SGK1: variants seen among roughly 807,000 people sequenced by gnomAD.
SGK1 encodes serum/glucocorticoid regulated kinase 1, also known as serine/threonine-protein kinase Sgk1.
SGK1 carries 26 observed loss-of-function variants against 64.2 expected under a neutral mutation model. The observed-to-expected ratio is 0.40, with a 90% CI of 0.30 to 0.56. The LOEUF is 0.56. SGK1 is among the 20% of genes least tolerant of loss of function. SGK1 has a pLI of 0.38. For synonymous variants in SGK1, 265 were observed against 239.7 expected (o/e 1.11, Z -0.98); for missense variants, 519 against 645.6 (o/e 0.80, Z 2.12).
chr6:134,189,230 G>A (rs577288782), intron 3 of SGK1, among the ~76,000 whole-genome samples: 8 of 136,196 alleles, frequency 5.9e-5, no homozygotes, highest in South Asian at 2.2e-4. Flanking sequence ...GTGTGTGTGC[G>A]TGTGCGTGTG....
chr6:134,249,758 G>A (rs746440374), intron 2 of SGK1, among the ~76,000 whole-genome samples: 2 of 152,254 alleles, frequency 1.3e-5, no homozygotes, highest in Non-Finnish European at 2.9e-5. Flanking sequence ...TCTGGTATCC[G>A]TAACCCTGTT....
rs373010514 is a variant in SGK1, at chr6:134,190,994, G to A, written c.361+16362C>T. On this transcript the variant is annotated intron_variant, in intron 3 of 13. Transcript: ENST00000367858. ...CGAAGAGCAATCCTTTCTGATTTTC[G>A]CAGACTGCTTTCTGATTATTTGTCT... Among the ~76,000 whole-genome samples the A allele has an allele frequency of 2.7e-4, 41 of 152,168 alleles. 1 individual carries two copies. In the South Asian group the frequency reaches 8.1e-3, roughly 30 times the overall value.
chr6:134,269,657 CAAAA>C (rs774346061), intron 1 of SGK1, among the ~76,000 whole-genome samples: 2 of 101,656 alleles, frequency 2.0e-5, no homozygotes. Flanking sequence ...GACTCTGTCT[CAAAA>C]AAAAAAAAAA....
chr6:134,294,506 G>A (rs1473631511), intron 1 of SGK1, among the ~76,000 whole-genome samples: 1 of 152,056 alleles, frequency 6.6e-6, no homozygotes, highest in Non-Finnish European at 1.5e-5. Context: ...GTCCTTTTGT[G>A]ACCAAGTATT....
At chr6:134,270,724 G>A (rs1776926240) in intron 1 of SGK1, among the ~76,000 whole-genome samples, 1 of 148,038 alleles carries the variant, frequency 6.8e-6, no homozygotes, top group African/African-American at 2.4e-5. Flanking sequence ...TGGAGTGGTG[G>A]GGAGGACTCT....
intron 11 of SGK1, 108 bp downstream of exon 11, chr6:134,171,529 T>A: frequency 1.4e-6 from 1 of 732,628 alleles, no homozygotes. Flanking sequence ...TTAGCTGCTT[T>A]TGATAAGCGT....
rs139364918 is a variant in SGK1, at chr6:134,214,959, G to A, written c.286-7528C>T. ...GAAAGATCATATTTAGAAGGTAACC[G>A]TTGAATGTTTAATCACTATTGTTTT... On this transcript the variant is annotated intron_variant, in intron 2 of 13. Transcript: ENST00000367858. 438 of 420,090 alleles carry A rather than the reference G, an allele frequency of 1.0e-3. 2 individuals carry two copies. Among genetic ancestry groups the A allele is most frequent in the African/African-American group, 8.0e-3 (383 of 48,136 alleles). 26.0% of individuals were successfully genotyped at this position (420,090 alleles called of 1,614,324 possible). A position where few individuals can be genotyped will look rare whatever the true frequency, so the allele number is the denominator to read the frequency against.
Position 134,174,907 on chromosome 6 carries a change from C to A in SGK1, c.362-321G>T, listed in dbSNP as rs550745598. ...CGGCCTTATAAAAAAGGCACCGCCG[C>A]GGGGGCGGGGCCTGCGCGACAGTGA... On this transcript the variant is annotated intron_variant, in intron 3 of 13. Coordinates refer to ENST00000367858, the MANE Select transcript of SGK1 (RefSeq NM_001143676.3). 9.0e-5 allele frequency: 142 copies of A among 1,569,204 alleles called. No homozygotes were observed. The African/African-American group carries it at 1.9e-3, about 20-fold the overall frequency.
At chr6:134,278,046 T>C (rs1777042712) in intron 1 of SGK1, among the ~76,000 whole-genome samples, 1 of 152,220 alleles carries the variant, frequency 6.6e-6, no homozygotes, top group South Asian at 2.1e-4. Context: ...CGTAAAATGA[T>C]GATCTTGGAG....
intron 10 of SGK1, 166 bp downstream of exon 10, chr6:134,172,027 G>T: frequency 1.2e-6 from 1 of 829,776 alleles, no homozygotes. Context: ...AGAAGGACTT[G>T]GGATTTCTCA....
rs543241127 is a variant in SGK1, at chr6:134,194,367, T to C, written c.361+12989A>G. ...GAGCTTTAACCAGTCAAGCTGTTTG[T>C]GTACCTCACTTCCAGTTCTGTCTAT... is the stretch of plus-strand genomic sequence containing the variant. On this transcript the variant is annotated intron_variant, in intron 3 of 13. Coordinates refer to ENST00000367858, the MANE Select transcript of SGK1 (RefSeq NM_001143676.3). Among the ~76,000 whole-genome samples the C allele has an allele frequency of 2.6e-5, 4 of 152,294 alleles. No homozygotes were observed. The East Asian group carries it at 7.7e-4, about 29-fold the overall frequency.
At position 134,174,271 on chromosome 6, in the gene SGK1, C is replaced by A. The variant is rs186060652; in HGVS notation, c.438-191G>T. 7 of 604,594 alleles carry A rather than the reference C, an allele frequency of 1.2e-5. No homozygotes were observed. The Admixed American group carries it at 1.2e-4, about 11-fold the overall frequency. The allele number at this position is 604,594 out of a possible 1,614,324, so 37.5% of individuals were successfully genotyped here. A position where few individuals can be genotyped will look rare whatever the true frequency, so the allele number is the denominator to read the frequency against. On this transcript the variant is annotated intron_variant, in intron 4 of 13. Transcript: ENST00000367858. ...AAATACAGAAATAAGGATTGTTGCT[C>A]ATGGAGAAAGGCCGTGAATTCGGCC...
intron 2 of SGK1, among the ~76,000 whole-genome samples, chr6:134,246,137 GTTTCT>G (rs921349922): frequency 2.0e-5 from 3 of 151,598 alleles, no homozygotes; most frequent in Non-Finnish European, 4.4e-5. Flanking sequence ...GTTGAGGCTT[GTTTCT>G]TTTCTTTTTT....
intron 3 of SGK1, among the ~76,000 whole-genome samples, chr6:134,181,491 C>T (rs113662116): frequency 2.6e-5 from 4 of 152,004 alleles, no homozygotes; most frequent in South Asian, 2.1e-4. Context: ...ATTACAGGCA[C>T]GTGCCACTAC....
At chr6:134,275,180 TAAATA>T (rs745400871) in intron 1 of SGK1, among the ~76,000 whole-genome samples, 20 of 152,154 alleles carry the variant, frequency 1.3e-4, no homozygotes, top group Admixed American at 2.6e-4. Context: ...AAAAAATAAG[TAAATA>T]AAATAAAATA....
intron 2 of SGK1, among the ~76,000 whole-genome samples, chr6:134,211,127 A>G (rs574194930): frequency 6.6e-6 from 1 of 152,230 alleles, no homozygotes; most frequent in Admixed American, 6.5e-5. Flanking sequence ...TGTCTCAAAA[A>G]AAAAAAAAAA....
At chr6:134,217,579 T>C (rs1244301194) in intron 2 of SGK1, among the ~76,000 whole-genome samples, 1 of 152,168 alleles carries the variant, frequency 6.6e-6, no homozygotes, top group Non-Finnish European at 1.5e-5. Context: ...GGCCACATTA[T>C]CTCACTACAG....
At chr6:134,229,255 T>C (rs1776240287) in intron 2 of SGK1, among the ~76,000 whole-genome samples, 1 of 152,250 alleles carries the variant, frequency 6.6e-6, no homozygotes, top group Non-Finnish European at 1.5e-5. Context: ...ACTTGGTCTG[T>C]AAACGTCCCT....
chr6:134,170,451 A>G lies in SGK1; in HGVS notation c.1414-16T>C. On this transcript the variant is annotated splice_polypyrimidine_tract_variant and intron_variant, in intron 13 of 13. Transcript: ENST00000367858. ...TGGGCCCACTCTGTGACGGGAAGGG[A>G]AAAACACTCTTGTCAAGAACTCACA... The G allele has an allele frequency of 6.2e-7, 1 of 1,602,922 alleles. No individual in the cohort carries two copies. The highest frequency in any genetic ancestry group is 8.5e-7 in the Non-Finnish European group (1 of 1,171,946).
Sources: allele counts gnomAD v4.1 joint callset (sites outside exome capture counted in the v4.1 genomes callset), GRCh38; gene constraint gnomAD v4.1.1; transcripts MANE v1.5; gene names NCBI Gene and HGNC (gene_info 2026-07-23, HGNC 2026-07-21).